Variants in ADAM19 observed in about 807,000 individuals in gnomAD.
The protein encoded by ADAM19 is ADAM metallopeptidase domain 19, also known as disintegrin and metalloproteinase domain-containing protein 19.
In ADAM19, 65 loss-of-function variants were observed where a neutral mutation model predicts 114.7. The ratio of observed to expected loss-of-function variants is 0.57; its 90% CI spans 0.46 to 0.70. The LOEUF is 0.70. Ranked by LOEUF, ADAM19 falls within the 30% of genes least tolerant of loss-of-function variation. The pLI is 0.00. For missense variants in ADAM19, 1,063 were observed against 1,204.7 expected, an observed-to-expected ratio of 0.88 and a Z score of 1.74; for synonymous variants, 466 against 460.5, an observed-to-expected ratio of 1.01 and a Z score of -0.15.
intron 3 of ADAM19, among the ~76,000 whole-genome samples, chr5:157,553,810 C>G (rs1236943685): frequency 1.3e-5 from 2 of 152,024 alleles, no homozygotes; most frequent in Non-Finnish European, 2.9e-5. Flanking sequence ...AAGAATGAAA[C>G]AGGTCTATAA....
chr5:157,538,450 A>C (rs1581338855), intron 3 of ADAM19, among the ~76,000 whole-genome samples: 1 of 152,252 alleles, frequency 6.6e-6, no homozygotes, highest in African/African-American at 2.4e-5. Context: ...ATTGTCAATC[A>C]AGGTGTCCTA....
chr5:157,478,991 A>C lies in ADAM19; in HGVS notation c.*1958T>G, dbSNP rs28489256. ...TGAGGATGTTGCTTGTTTGTTTTGC[A>C]GAGGGGTGAAAGGGGATGTTTTCAC... On this transcript the variant is annotated 3_prime_UTR_variant, in exon 23 of 23. Coordinates refer to ENST00000257527, the MANE Select transcript of ADAM19 (RefSeq NM_033274.5). The C allele has an allele frequency of 2.8e-3, 2,726 of 985,620 alleles. 65 individuals carry two copies. In the African/African-American group the frequency reaches 0.044, roughly 16 times the overall value. The allele number at this position is 985,620 out of a possible 1,614,324, so 61.1% of individuals were successfully genotyped here.
Position 157,575,584 on chromosome 5 carries a change from C to G in ADAM19, c.94+19G>C. On this transcript the variant is annotated intron_variant, in intron 1 of 22. Transcript: ENST00000257527. ...CTCCGGGCCACCCAGCCTCCATCCC[C>G]CCGCGCCTGGCCACTTACTTGTCCA... 1 of 1,456,188 alleles carries G rather than the reference C, an allele frequency of 6.9e-7. No homozygotes were observed. Among genetic ancestry groups the G allele is most frequent in the East Asian group, 3.0e-5 (1 of 33,042 alleles). 90.2% of individuals were successfully genotyped at this position (1,456,188 alleles called of 1,614,324 possible). A position where few individuals can be genotyped will look rare whatever the true frequency, so the allele number is the denominator to read the frequency against.
chr5:157,545,041 C>T (rs186301847), intron 3 of ADAM19, among the ~76,000 whole-genome samples: 14 of 152,310 alleles, frequency 9.2e-5, no homozygotes, highest in Non-Finnish European at 2.1e-4. Flanking sequence ...AACAAACAAA[C>T]ATAAAACAGG....
chr5:157,496,754 T>C lies in ADAM19; in HGVS notation c.1594+140A>G, dbSNP rs79349373. 4.0e-4 allele frequency: 273 copies of C among 683,946 alleles called. 6 individuals carry two copies. In the East Asian group the frequency reaches 8.5e-3, roughly 21 times the overall value. 42.4% of individuals were successfully genotyped at this position (683,946 alleles called of 1,614,324 possible). On this transcript the variant is annotated intron_variant, in intron 14 of 22. Coordinates refer to ENST00000257527, the MANE Select transcript of ADAM19 (RefSeq NM_033274.5). ...TGTCCTCTGGTTCTCCCTGAACATCTACCCTGAGTCAAGGGGATGAAAGAG... is the reference window on the plus strand; with the variant it reads ...TGTCCTCTGGTTCTCCCTGAACATCCACCCTGAGTCAAGGGGATGAAAGAG...
rs1756659329 is a variant in ADAM19 at position 157,532,749 on chromosome 5, C to T, written c.331-1866G>A. Among the ~76,000 whole-genome samples, 3 of 152,304 alleles carry T rather than the reference C, an allele frequency of 2.0e-5. No homozygotes were observed. The South Asian group carries it at 6.2e-4, about 32-fold the overall frequency. ...AGGGATGTGACCCAATAATCAGCTA[C>T]CCCGTGTGTCTGTATTCTCTGGCTC... On this transcript the variant is annotated intron_variant, in intron 4 of 22. Coordinates refer to ENST00000257527, the MANE Select transcript of ADAM19 (RefSeq NM_033274.5).
Position 157,489,101 on chromosome 5 carries a change from CCTT to C in ADAM19, c.2323_2325del (p.Lys775del), listed in dbSNP as rs770411254. ...AAAGTTCAGTGGTGCAAAGCTCTTACCTTTCGCTTGCCCTGGGGCGTCTGCAGC... is the reference window on the plus strand; with the variant it reads ...AAAGTTCAGTGGTGCAAAGCTCTTACTCGCTTGCCCTGGGGCGTCTGCAGC... On this transcript the variant is annotated inframe_deletion and splice_region_variant, in exon 20 of 23. Coordinates refer to ENST00000257527, the MANE Select transcript of ADAM19 (RefSeq NM_033274.5). 5.0e-6 allele frequency: 8 copies of C among 1,613,600 alleles called. No homozygotes were observed. Among genetic ancestry groups the C allele is most frequent in the Middle Eastern group, 3.3e-4 (2 of 6,056 alleles).
chr5:157,485,047 C>T (rs946101778), intron 21 of ADAM19, among the ~76,000 whole-genome samples: 4 of 152,228 alleles, frequency 2.6e-5, no homozygotes, highest in Non-Finnish European at 5.9e-5. Flanking sequence ...CCCATGCTCC[C>T]TTCCACAAGG....
At chr5:157,574,734 C>G (rs1032398243) in intron 1 of ADAM19, among the ~76,000 whole-genome samples, 2 of 152,170 alleles carry the variant, frequency 1.3e-5, no homozygotes, top group Non-Finnish European at 2.9e-5. Flanking sequence ...TTATAGCCCC[C>G]GAGGGATGGA....
Position 157,556,209 on chromosome 5 carries a change from C to CT in ADAM19, c.251+8163dup, listed in dbSNP as rs68078503. Among the ~76,000 whole-genome samples the CT allele has an allele frequency of 6.2e-3, 409 of 66,310 alleles. 23 individuals carry two copies. The highest frequency in any genetic ancestry group is 0.019 in the African/African-American group (315 of 16,710). The allele number at this position is 66,310 out of a possible 152,430, so 43.5% of individuals were successfully genotyped here. The stretch of plus-strand genomic sequence containing the variant: ...TTATAACCTGTTTTTTTTTCTTTTT[C>CT]TTTTTTTTTTTTTTTTTTTTTTTTT... On this transcript the variant is annotated intron_variant, in intron 3 of 22. Coordinates refer to ENST00000257527, the MANE Select transcript of ADAM19 (RefSeq NM_033274.5).
intron 5 of ADAM19, among the ~76,000 whole-genome samples, chr5:157,528,207 C>A (rs1204291206): frequency 6.6e-6 from 1 of 152,184 alleles, no homozygotes; most frequent in Non-Finnish European, 1.5e-5. Flanking sequence ...CCACCCACAG[C>A]CTTGGTTTCT....
At chr5:157,490,215 G>T in intron 19 of ADAM19, 95 bp downstream of exon 19, 1 of 1,420,550 alleles carries the variant, frequency 7.0e-7, no homozygotes, top group South Asian at 1.2e-5. Flanking sequence ...CCCTGAATTA[G>T]ACCCACTATC....
At position 157,478,880 on chromosome 5, in the gene ADAM19, G is replaced by A. The variant is rs374594231; in HGVS notation, c.*2069C>T. ...ATGCAGTCACTATGGCTGTGGCGCT[G>A]TCATTTCAGAGCTATCTACCTCCTG... On this transcript the variant is annotated 3_prime_UTR_variant, in exon 23 of 23. Coordinates refer to ENST00000257527, the MANE Select transcript of ADAM19 (RefSeq NM_033274.5). The A allele has an allele frequency of 8.1e-6, 8 of 985,668 alleles. No homozygotes were observed. Among genetic ancestry groups the A allele is most frequent in the African/African-American group, 5.2e-5 (3 of 57,236 alleles). 61.1% of individuals were successfully genotyped at this position (985,668 alleles called of 1,614,324 possible). A position where few individuals can be genotyped will look rare whatever the true frequency, so the allele number is the denominator to read the frequency against.
chr5:157,530,054 G>C (rs1041978246), intron 5 of ADAM19, among the ~76,000 whole-genome samples: 1 of 152,172 alleles, frequency 6.6e-6, no homozygotes, highest in Non-Finnish European at 1.5e-5. Context: ...TATTAACCAT[G>C]TGTCTTCTTT....
chr5:157,520,371 T>C (rs1165958452), intron 5 of ADAM19, among the ~76,000 whole-genome samples: 1 of 146,820 alleles, frequency 6.8e-6, no homozygotes, highest in Non-Finnish European at 1.5e-5. Context: ...CTAAGAAGGC[T>C]GTACCTGTGA....
In ADAM19 at chr5:157,493,097, G is replaced by C; in HGVS notation, c.1784C>G (p.Thr595Ser). The change falls in exon 16 of 23, where the codon ACT becomes AGT. Residue 595 changes from threonine (T) to serine (S), a missense_variant. Physicochemically the swap from Thr to Ser is moderately conservative, Grantham distance 58 (BLOSUM62 1). Around this residue, in one of 3 missense-constraint regions of ADAM19, gnomAD observed 424 missense variants for 445.5 expected, o/e 0.95. Coordinates refer to ENST00000257527, the MANE Select transcript of ADAM19 (RefSeq NM_033274.5). ...GATCTGCCTCCCATTCATGATGATA[G>C]TGGTGTCAATGGGCACCGCGTTGGA... is the stretch of plus-strand genomic sequence containing the variant. The part of the protein sequence containing the change: ...LESNAVPIDT[T>S]IIMNGRQIQC... The C allele has an allele frequency of 6.2e-7, 1 of 1,614,226 alleles. No homozygotes were observed. The highest frequency in any genetic ancestry group is 8.5e-7 in the Non-Finnish European group (1 of 1,180,048).
chr5:157,505,853 T>C (rs760081576), intron 10 of ADAM19, 45 bp from the exon 11 acceptor site: 1 of 1,591,848 alleles, frequency 6.3e-7, no homozygotes, highest in South Asian at 1.1e-5. Context: ...GGGACAGATC[T>C]GCCTCTGCCC....
At chr5:157,486,060 C>A (rs1294359719) in intron 21 of ADAM19, among the ~76,000 whole-genome samples, 1 of 152,182 alleles carries the variant, frequency 6.6e-6, no homozygotes, top group Admixed American at 6.5e-5. Flanking sequence ...TATCACTTCT[C>A]CAGGGGGTCC....
intron 2 of ADAM19, chr5:157,568,639 G>C (rs576702412): frequency 1.3e-5 from 2 of 151,840 alleles, no homozygotes; most frequent in Admixed American, 6.6e-5. Flanking sequence ...TCCTATATTT[G>C]CATTCCCCCT....
Sources: gnomAD v4.1 joint callset for allele counts (sites outside exome capture counted in the v4.1 genomes callset) on GRCh38, gnomAD v4.1.1 for gene constraint, gnomAD v4.1.1 regional missense constraint, MANE v1.5 for transcripts, NCBI Gene and HGNC (gene_info 2026-07-23, HGNC 2026-07-21) for gene names.